Variants in PTTG1IP2 observed in about 807,000 individuals in gnomAD.
The protein encoded by PTTG1IP2 is PTTG1IP family member 2.
In PTTG1IP2 at chr7:90,493,233, T is replaced by G. The variant is rs185305266; in HGVS notation, c.451+924T>G. ...TGTAGAAAAGCCCAGGACCCATACT[T>G]TGAGGTTGCAAAATCTGGATGAGAA... On this transcript the variant is annotated intron_variant, in intron 5 of 6. Transcript: ENST00000509356. 7.2e-5 allele frequency among the ~76,000 whole-genome samples: 11 copies of G among 152,216 alleles called. No individual in the cohort carries two copies. The East Asian group carries it at 1.9e-3, about 27-fold the overall frequency.
At chr7:90,500,918 T>G (rs17869872) in intron 6 of PTTG1IP2, among the ~76,000 whole-genome samples, 37 of 152,312 alleles carry the variant, frequency 2.4e-4, no homozygotes, top group Middle Eastern at 3.4e-3. Context: ...TTGAGAGTAA[T>G]GATTCTGGGA....
At position 90,483,808 on chromosome 7, in the gene PTTG1IP2, C is replaced by T. The variant is rs554981145; in HGVS notation, c.193-3519C>T. Among the ~76,000 whole-genome samples, 219 of 152,282 alleles carry T rather than the reference C, an allele frequency of 1.4e-3. 2 individuals are homozygous for T. Among genetic ancestry groups the T allele is most frequent in the African/African-American group, 4.9e-3 (205 of 41,552 alleles). ...GTTTCCTTTACCAATTCCTCTTCTT[C>T]ATTTTCCTGAATGAGCACATTCCTA... is the stretch of plus-strand genomic sequence containing the variant. On this transcript the variant is annotated intron_variant, in intron 2 of 6. Coordinates refer to ENST00000509356, the MANE Select transcript of PTTG1IP2 (RefSeq NM_001365443.2).
chr7:90,486,142 C>T (rs115927914), intron 2 of PTTG1IP2, among the ~76,000 whole-genome samples: 334 of 152,262 alleles, frequency 2.2e-3, no homozygotes, highest in African/African-American at 7.8e-3. Flanking sequence ...TGAATCATTA[C>T]CTCTGCTGGT....
At chr7:90,511,685 T>A (rs182479948) in intron 6 of PTTG1IP2, among the ~76,000 whole-genome samples, 1 of 152,352 alleles carries the variant, frequency 6.6e-6, no homozygotes, top group African/African-American at 2.4e-5. Flanking sequence ...GCCAGCTCGC[T>A]TTACTTTTCC....
chr7:90,509,349 CATTCAAGTTAGA>C (rs1490477368), intron 6 of PTTG1IP2, among the ~76,000 whole-genome samples: 2 of 152,088 alleles, frequency 1.3e-5, no homozygotes, highest in Non-Finnish European at 2.9e-5. Context: ...ACTTGAATGA[CATTCAAGTTAGA>C]ATTGGCAAGT....
At chr7:90,494,715 C>A (rs1433620964) in intron 6 of PTTG1IP2, among the ~76,000 whole-genome samples, 1 of 152,114 alleles carries the variant, frequency 6.6e-6, no homozygotes, top group African/African-American at 2.4e-5. Flanking sequence ...GATTCCATGT[C>A]TACAAAAAAA....
chr7:90,506,275 A>G (rs1584701617), intron 6 of PTTG1IP2, among the ~76,000 whole-genome samples: 1 of 152,082 alleles, frequency 6.6e-6, no homozygotes, highest in South Asian at 2.1e-4. Context: ...ATTTTTTCCA[A>G]CTAAATCGGG....
intron 1 of PTTG1IP2, among the ~76,000 whole-genome samples, chr7:90,472,279 AACACACACACACACACACACACAC>A (rs144907444): frequency 7.2e-6 from 1 of 137,938 alleles, no homozygotes; most frequent in African/African-American, 2.6e-5. Flanking sequence ...ATAGCATGCA[AACACACACACACACACACACACAC>A]ACACACACAC....
chr7:90,479,855 A>G (rs906914241), intron 2 of PTTG1IP2, among the ~76,000 whole-genome samples: 3 of 152,238 alleles, frequency 2.0e-5, no homozygotes, highest in Admixed American at 6.5e-5. Flanking sequence ...AGACGATACT[A>G]AAAACAGAAG....
chr7:90,494,991 C>T (rs567753371), intron 6 of PTTG1IP2, among the ~76,000 whole-genome samples: 28 of 152,106 alleles, frequency 1.8e-4, no homozygotes, highest in Admixed American at 4.6e-4. Context: ...GCCTGGGTGA[C>T]GACAAAGAGA....
At chr7:90,504,821 T>C (rs1049303507) in intron 6 of PTTG1IP2, among the ~76,000 whole-genome samples, 1 of 152,214 alleles carries the variant, frequency 6.6e-6, no homozygotes, top group Non-Finnish European at 1.5e-5. Flanking sequence ...TCATGGCTGA[T>C]TATGTGTGCA....
chr7:90,509,744 A>G (rs1798163931), intron 6 of PTTG1IP2, among the ~76,000 whole-genome samples: 1 of 152,152 alleles, frequency 6.6e-6, no homozygotes, highest in East Asian at 1.9e-4. Flanking sequence ...TCCCGCAAGA[A>G]GCTGGAGGCT....
At chr7:90,470,963 C>CAAAAAAAAAAAAA (rs5885726) in intron 1 of PTTG1IP2, among the ~76,000 whole-genome samples, 1 of 108,104 alleles carries the variant, frequency 9.3e-6, no homozygotes, top group Non-Finnish European at 2.0e-5. Flanking sequence ...TGATGAAGAA[C>CAAAAAAAAAAAAA]AAAAAAAAAA....
chr7:90,478,765 GA>G (rs1797781052), intron 1 of PTTG1IP2, among the ~76,000 whole-genome samples: 1 of 151,090 alleles, frequency 6.6e-6, no homozygotes, highest in Admixed American at 6.6e-5. Flanking sequence ...AAAACTAGAG[GA>G]ATGAAAATCC....
At chr7:90,483,948 A>G (rs761766838) in intron 2 of PTTG1IP2, among the ~76,000 whole-genome samples, 4 of 152,094 alleles carry the variant, frequency 2.6e-5, no homozygotes, top group Non-Finnish European at 4.4e-5. Context: ...CTGCATATAA[A>G]GAAATCCCAA....
chr7:90,501,772 T>C (rs1798064535), intron 6 of PTTG1IP2, among the ~76,000 whole-genome samples: 1 of 152,206 alleles, frequency 6.6e-6, no homozygotes, highest in Non-Finnish European at 1.5e-5. Flanking sequence ...TTGGTGTTGA[T>C]GGTTGCAGCC....
At chr7:90,482,565 A>T (rs1797825432) in intron 2 of PTTG1IP2, among the ~76,000 whole-genome samples, 1 of 151,442 alleles carries the variant, frequency 6.6e-6, no homozygotes, top group South Asian at 2.1e-4. Context: ...TTTTCTTGAT[A>T]TTTTATATTA....
intron 3 of PTTG1IP2, among the ~76,000 whole-genome samples, chr7:90,488,167 T>G (rs1400707666): frequency 2.6e-5 from 4 of 152,062 alleles, no homozygotes; most frequent in African/African-American, 9.6e-5. Flanking sequence ...AAACCCAATC[T>G]AGAACAACCA....
At chr7:90,470,963 C>CAAAAAAAAA (rs5885726) in intron 1 of PTTG1IP2, among the ~76,000 whole-genome samples, 20 of 108,080 alleles carry the variant, frequency 1.9e-4, no homozygotes, top group South Asian at 2.8e-4. Context: ...TGATGAAGAA[C>CAAAAAAAAA]AAAAAAAAAA....
Sources: allele counts gnomAD v4.1 joint callset (sites outside exome capture counted in the v4.1 genomes callset), GRCh38; gene constraint gnomAD v4.1.1; transcripts MANE v1.5; gene names NCBI Gene and HGNC (gene_info 2026-07-23, HGNC 2026-07-21).